Variants in ST7 observed in about 807,000 individuals in gnomAD.
ST7 encodes the protein suppression of tumorigenicity 7.
A neutral mutation model predicts 78.7 loss-of-function variants in ST7; 28 were observed. The ratio of observed to expected loss-of-function variants is 0.36; its 90% CI spans 0.26 to 0.49. ST7 has a LOEUF of 0.49. Among genes scored for constraint, ST7 ranks in the 20% least tolerant of loss-of-function variants. The pLI is 0.99. For synonymous variants in ST7, 247 were observed against 249.6 expected, an observed-to-expected ratio of 0.99 and a Z score of 0.10; for missense variants, 418 against 696.0, an observed-to-expected ratio of 0.60 and a Z score of 4.49.
At position 117,170,988 on chromosome 7, in the gene ST7, G is replaced by A. The variant is rs1380637037; in HGVS notation, c.1078+12G>A. The stretch of plus-strand genomic sequence containing the variant: ...AGCAAAGTATGATGGTAAGTTCTTG[G>A]GTATTTTTATTTACTTGACTATTCC... On this transcript the variant is annotated intron_variant, in intron 10 of 15. Transcript: ENST00000323984. The A allele has an allele frequency of 1.9e-6, 3 of 1,550,088 alleles. No homozygotes were observed. Among genetic ancestry groups the A allele is most frequent in the East Asian group, 4.6e-5 (2 of 43,538 alleles).
chr7:117,003,741 A>T (rs760570486), intron 1 of ST7, among the ~76,000 whole-genome samples: 1 of 152,208 alleles, frequency 6.6e-6, no homozygotes, highest in Non-Finnish European at 1.5e-5. Context: ...GAATGTGTAT[A>T]TCTTTTCCTT....
At chr7:117,187,409 GCAAA>G (rs1337104773) in intron 10 of ST7, 2 of 151,966 alleles carry the variant, frequency 1.3e-5, no homozygotes, top group Non-Finnish European at 2.9e-5. Context: ...AGGAGAAGGA[GCAAA>G]CATTTTAAAA....
chr7:117,225,892 C>T (rs1411642400), intron 15 of ST7, among the ~76,000 whole-genome samples: 1 of 152,202 alleles, frequency 6.6e-6, no homozygotes, highest in Non-Finnish European at 1.5e-5. Flanking sequence ...CTAATCTAAT[C>T]TACCTCAGTG....
intron 1 of ST7, among the ~76,000 whole-genome samples, chr7:117,049,199 C>T (rs951761332): frequency 1.2e-4 from 18 of 152,210 alleles, no homozygotes; most frequent in Non-Finnish European, 1.5e-5. Flanking sequence ...CAGTAGAAGT[C>T]GCCTATCTCT....
chr7:117,182,706 C>T (rs556319309), intron 10 of ST7: 5 of 152,278 alleles, frequency 3.3e-5, no homozygotes, highest in Admixed American at 6.5e-5. Flanking sequence ...TAGAGTGGCA[C>T]AGCTCCTCAG....
At chr7:117,080,469 A>G (rs1030684333) in intron 1 of ST7, among the ~76,000 whole-genome samples, 3 of 152,016 alleles carry the variant, frequency 2.0e-5, no homozygotes, top group Middle Eastern at 3.2e-3. Flanking sequence ...TTCTTGTTGT[A>G]TATTTAGTTT....
At chr7:117,096,724 G>C (rs1214926017) in intron 1 of ST7, among the ~76,000 whole-genome samples, 1 of 152,212 alleles carries the variant, frequency 6.6e-6, no homozygotes, top group Non-Finnish European at 1.5e-5. Context: ...TACATAGGTT[G>C]AAATAGCAAG....
At chr7:117,031,855 T>TGC (rs1392340665) in intron 1 of ST7, among the ~76,000 whole-genome samples, 2 of 16,426 alleles carry the variant, frequency 1.2e-4, no homozygotes, top group Admixed American at 5.6e-4. Context: ...TCTATATCTA[T>TGC]ATCTATCTAT....
At chr7:117,217,796 C>G (rs1170636672) in intron 13 of ST7, among the ~76,000 whole-genome samples, 10 of 152,334 alleles carry the variant, frequency 6.6e-5, no homozygotes, top group Admixed American at 2.6e-4. Context: ...TGGCTCTGCT[C>G]TAATCCCACA....
intron 9 of ST7, among the ~76,000 whole-genome samples, chr7:117,169,792 G>T (rs552034664): frequency 7.9e-4 from 118 of 149,094 alleles, no homozygotes; most frequent in Middle Eastern, 3.5e-3. Context: ...CCTCAAGACA[G>T]CCTTAGCAAT....
At chr7:116,974,326 C>CGCCCAG (rs998320501) in intron 1 of ST7, among the ~76,000 whole-genome samples, 1 of 150,312 alleles carries the variant, frequency 6.7e-6, no homozygotes, top group Non-Finnish European at 1.5e-5. Flanking sequence ...CTCACTGTGT[C>CGCCCAG]GCCCAGGCTG....
rs759539749 is a variant in ST7, at chr7:117,229,965, C to G, written c.*108C>G. On this transcript the variant is annotated 3_prime_UTR_variant, in exon 16 of 16. Coordinates refer to ENST00000323984, the MANE Select transcript of ST7 (RefSeq NM_001369598.1). ...TGACTTTGAAAAAGGGAAGCCATTC[C>G]GAGATTTTAAAATGTTCATGGACTA... 1.3e-5 allele frequency: 13 copies of G among 1,022,652 alleles called. No individual in the cohort carries two copies. Among genetic ancestry groups the G allele is most frequent in the Non-Finnish European group, 1.9e-5 (12 of 640,782 alleles). The allele number at this position is 1,022,652 out of a possible 1,614,324, so 63.3% of individuals were successfully genotyped here.
intron 1 of ST7, among the ~76,000 whole-genome samples, chr7:117,054,777 C>T (rs1386080995): frequency 6.6e-6 from 1 of 152,180 alleles, no homozygotes; most frequent in Non-Finnish European, 1.5e-5. Context: ...ATGTTTGTCA[C>T]TGAACTCTCT....
At chr7:117,175,782 G>C (rs1456387241) in intron 10 of ST7, among the ~76,000 whole-genome samples, 1 of 152,154 alleles carries the variant, frequency 6.6e-6, no homozygotes, top group African/African-American at 2.4e-5. Context: ...TAAGAGTTCA[G>C]ATATTATTCG....
intron 1 of ST7, among the ~76,000 whole-genome samples, chr7:116,984,430 C>T (rs906617508): frequency 5.3e-5 from 8 of 152,098 alleles, no homozygotes; most frequent in African/African-American, 1.9e-4. Flanking sequence ...TATACAATAG[C>T]GCATCTCTCT....
In ST7 at chr7:117,219,854, T is replaced by C. The variant is rs188246053; in HGVS notation, c.1498+678T>C. Among the ~76,000 whole-genome samples, 33 of 152,374 alleles carry C rather than the reference T, an allele frequency of 2.2e-4. No homozygotes were observed. The highest frequency in any genetic ancestry group is 3.4e-3 in the Middle Eastern group (1 of 294). The stretch of plus-strand genomic sequence containing the variant: ...TGACCCATACCACATGTGGAAAATA[T>C]TATTTTGCTTTGCTGTAATACAACA... On this transcript the variant is annotated intron_variant, in intron 14 of 15. Coordinates refer to ENST00000323984, the MANE Select transcript of ST7 (RefSeq NM_001369598.1). The surrounding 1 kb of genome is among the most constrained non-coding windows in gnomAD (Gnocchi z 5.1).
At chr7:117,110,912 G>A (rs1212115221) in intron 2 of ST7, among the ~76,000 whole-genome samples, 1 of 152,180 alleles carries the variant, frequency 6.6e-6, no homozygotes, top group Non-Finnish European at 1.5e-5. Context: ...CATTTGTCTT[G>A]CAGCATTCTC....
intron 13 of ST7, among the ~76,000 whole-genome samples, chr7:117,212,447 A>G (rs1792370616): frequency 6.6e-6 from 1 of 152,192 alleles, no homozygotes; most frequent in African/African-American, 2.4e-5. Context: ...GAAGCCCACA[A>G]TTGAAATTTA....
chr7:116,993,354 A>G (rs1029333466), intron 1 of ST7, among the ~76,000 whole-genome samples: 4 of 152,216 alleles, frequency 2.6e-5, no homozygotes, highest in Admixed American at 6.5e-5. Flanking sequence ...CTTACATGGC[A>G]GCAGAAAGAG....
Sources: allele counts gnomAD v4.1 joint callset (sites outside exome capture counted in the v4.1 genomes callset), GRCh38; gene constraint gnomAD v4.1.1; non-coding constraint Gnocchi (gnomAD v3.1); transcripts MANE v1.5; gene names NCBI Gene and HGNC (gene_info 2026-07-23, HGNC 2026-07-21).